Variants in OSBPL1A observed in about 807,000 individuals in gnomAD.
OSBPL1A encodes oxysterol-binding protein-related protein 1.
In OSBPL1A, 80 loss-of-function variants were observed where a neutral mutation model predicts 137.1. The observed-to-expected ratio is 0.58, with a 90% CI of 0.49 to 0.70. OSBPL1A has a LOEUF of 0.70. Among genes scored for constraint, OSBPL1A ranks in the 30% least tolerant of loss-of-function variants. The pLI is 0.00. For missense variants in OSBPL1A, 970 were observed against 1,129.4 expected, an observed-to-expected ratio of 0.86 and a Z score of 2.02; for synonymous variants, 365 against 389.7, an observed-to-expected ratio of 0.94 and a Z score of 0.75.
chr18:24,385,036 G>C lies in OSBPL1A; in HGVS notation c.-2-7501C>G, dbSNP rs578079543. Among the ~76,000 whole-genome samples the C allele has an allele frequency of 4.7e-4, 71 of 150,690 alleles. 1 individual carries two copies. The highest frequency in any genetic ancestry group is 6.8e-3 in the Middle Eastern group (2 of 292). ...GTGGCACAATCTCGACTCACTGCAA[G>C]CTCCGCCTCCCGGGTTCACGCCATT... On this transcript the variant is annotated intron_variant, in intron 1 of 27. Transcript: ENST00000319481.
At chr18:24,317,127 A>G (rs112633926) in intron 11 of OSBPL1A, 22 bp downstream of exon 11, 1 of 1,612,812 alleles carries the variant, frequency 6.2e-7, no homozygotes, top group Non-Finnish European at 8.5e-7. Flanking sequence ...TAGAGGAGCA[A>G]ATGATCCATG....
intron 14 of OSBPL1A, among the ~76,000 whole-genome samples, chr18:24,286,298 A>T: frequency 6.6e-6 from 1 of 152,230 alleles, no homozygotes; most frequent in South Asian, 2.1e-4. Context: ...CTACTCCATA[A>T]AACTATAACT....
intron 16 of OSBPL1A, among the ~76,000 whole-genome samples, chr18:24,230,862 A>G (rs772593171): frequency 6.6e-6 from 1 of 152,220 alleles, no homozygotes; most frequent in South Asian, 2.1e-4. Flanking sequence ...ATGACGGGAA[A>G]TGGAATACTC....
intron 2 of OSBPL1A, among the ~76,000 whole-genome samples, chr18:24,372,799 C>G (rs1338880638): frequency 6.6e-6 from 1 of 152,132 alleles, no homozygotes; most frequent in Non-Finnish European, 1.5e-5. Flanking sequence ...CACTGCAGCT[C>G]ACACCTGTAA....
At chr18:24,255,036 G>A (rs1056767114) in intron 15 of OSBPL1A, among the ~76,000 whole-genome samples, 3 of 152,080 alleles carry the variant, frequency 2.0e-5, no homozygotes, top group Admixed American at 6.5e-5. Context: ...AGATACCACA[G>A]AAATCCAAAG....
chr18:24,220,054 A>G (rs551509499), intron 17 of OSBPL1A, among the ~76,000 whole-genome samples: 54 of 152,270 alleles, frequency 3.5e-4, no homozygotes, highest in African/African-American at 1.2e-3. Context: ...GATGGATGTC[A>G]CACGTAATGA....
chr18:24,262,486 T>A (rs1010477248), intron 15 of OSBPL1A, among the ~76,000 whole-genome samples: 2 of 152,158 alleles, frequency 1.3e-5, no homozygotes, highest in Non-Finnish European at 1.5e-5. Flanking sequence ...TTTTCAGAAG[T>A]TATTCAGGGG....
intron 17 of OSBPL1A, among the ~76,000 whole-genome samples, chr18:24,213,533 C>T (rs1400992866): frequency 6.6e-6 from 1 of 151,806 alleles, no homozygotes; most frequent in Non-Finnish European, 1.5e-5. Context: ...ACACCACTGC[C>T]CTCCAGGCTG....
At chr18:24,350,847 T>A (rs768708112) in intron 4 of OSBPL1A, among the ~76,000 whole-genome samples, 4 of 152,132 alleles carry the variant, frequency 2.6e-5, no homozygotes, top group Non-Finnish European at 5.9e-5. Context: ...ATATTTCCCA[T>A]GCAACCTTTC....
chr18:24,317,999 T>C (rs1278170880), intron 9 of OSBPL1A, among the ~76,000 whole-genome samples: 2 of 152,016 alleles, frequency 1.3e-5, no homozygotes, highest in African/African-American at 4.8e-5. Flanking sequence ...TTTGATCTAG[T>C]AAGAAAAAAA....
rs777293753 is a variant in OSBPL1A at position 24,317,172 on chromosome 18, G to A, written c.847C>T (p.His283Tyr). Residue 283 changes from histidine (H) to tyrosine (Y), a missense_variant, in exon 11 of 28, where the codon CAC (histidine) becomes TAC (tyrosine). Transcript: ENST00000319481. ...ACCGTGCATACTGCTTGAGTCAGGT[G>A]TTTGCATCCCTGGCGATAAATATTA... ...VHNIYRQGCK[H>Y]LTQAVCTVKS... is the part of the protein sequence containing the mutation. 3 of 1,613,756 alleles carry A rather than the reference G, an allele frequency of 1.9e-6. No individual in the cohort carries two copies. The highest frequency in any genetic ancestry group is 1.7e-6 in the Non-Finnish European group (2 of 1,179,930).
At chr18:24,221,070 C>G (rs963263957) in intron 17 of OSBPL1A, among the ~76,000 whole-genome samples, 1 of 152,148 alleles carries the variant, frequency 6.6e-6, no homozygotes, top group Non-Finnish European at 1.5e-5. Flanking sequence ...CATGAGCCAC[C>G]GTGCCTGGCC....
intron 17 of OSBPL1A, among the ~76,000 whole-genome samples, chr18:24,217,258 CTT>C (rs562612104): frequency 1.7e-4 from 22 of 131,454 alleles, no homozygotes; most frequent in Non-Finnish European, 1.9e-4. Context: ...AAGTTTTGCT[CTT>C]TTTTTTTTTT....
chr18:24,332,949 G>A lies in OSBPL1A; in HGVS notation c.618C>T (p.Asn206=), dbSNP rs1450860585. 5.0e-6 allele frequency: 8 copies of A among 1,612,416 alleles called. No individual in the cohort carries two copies. Among genetic ancestry groups the A allele is most frequent in the Admixed American group, 1.7e-5 (1 of 59,466 alleles). Residue 206 remains asparagine (N), a synonymous_variant, in exon 7 of 28, where the codon AAC becomes AAT. Coordinates refer to ENST00000319481, the MANE Select transcript of OSBPL1A (RefSeq NM_080597.4). The part of the protein sequence containing the change: ...LRSGADPNLK[N]KNDQKPLDLA... ...TTTCACCAATATGCTTACCATTTTT[G>A]TTCTTCAGATTAGGGTCTGCTCCAC...
At chr18:24,360,005 T>C (rs927014216) in intron 4 of OSBPL1A, among the ~76,000 whole-genome samples, 1 of 152,184 alleles carries the variant, frequency 6.6e-6, no homozygotes, top group Non-Finnish European at 1.5e-5. Flanking sequence ...TTCGCTGTGG[T>C]CACCCAGGCT....
At chr18:24,193,446 C>A (rs964760353) in intron 18 of OSBPL1A, among the ~76,000 whole-genome samples, 1 of 150,880 alleles carries the variant, frequency 6.6e-6, no homozygotes, top group Non-Finnish European at 1.5e-5. Context: ...CGAGACTGCA[C>A]CACTGCATTC....
intron 16 of OSBPL1A, among the ~76,000 whole-genome samples, chr18:24,230,512 G>A (rs1314472670): frequency 6.6e-6 from 1 of 152,138 alleles, no homozygotes; most frequent in African/African-American, 2.4e-5. Flanking sequence ...CTATCATGTT[G>A]GATGCATGGA....
chr18:24,175,117 T>TATATATATATGTATATATAC (rs2086403964), intron 21 of OSBPL1A, among the ~76,000 whole-genome samples: 2 of 35,638 alleles, frequency 5.6e-5, no homozygotes, highest in African/African-American at 1.1e-4. Context: ...TGTATATATA[T>TATATATATATGTATATATAC]ATATATATAT....
intron 15 of OSBPL1A, among the ~76,000 whole-genome samples, chr18:24,250,349 T>C (rs1461987967): frequency 6.6e-6 from 1 of 152,074 alleles, no homozygotes; most frequent in East Asian, 1.9e-4. Context: ...GCTAGTTTTA[T>C]AATTTTAGTA....
Sources: gnomAD v4.1 joint callset for allele counts (sites outside exome capture counted in the v4.1 genomes callset) on GRCh38, gnomAD v4.1.1 for gene constraint, MANE v1.5 for transcripts, NCBI Gene and HGNC (gene_info 2026-07-23, HGNC 2026-07-21) for gene names.